ITPR2: variants seen among roughly 807,000 people sequenced by gnomAD.
ITPR2 encodes the protein inositol 1,4,5-trisphosphate-gated calcium channel ITPR2.
ITPR2 carries 207 observed loss-of-function variants against 317.1 expected under a neutral mutation model. The ratio of observed to expected loss-of-function variants is 0.65; its 90% CI spans 0.58 to 0.73. The LOEUF (loss-of-function observed/expected upper bound fraction) is 0.73, where lower values mean the gene tolerates loss of function less well. Among genes scored for constraint, ITPR2 ranks in the 30% least tolerant of loss-of-function variants. ITPR2 has a pLI of 0.00. For synonymous variants in ITPR2, 1,156 were observed against 1,149.1 expected, an observed-to-expected ratio of 1.01 and a Z score of -0.12; for missense variants, 2,613 against 3,284.0, an observed-to-expected ratio of 0.80 and a Z score of 4.99.
intron 45 of ITPR2, among the ~76,000 whole-genome samples, chr12:26,451,219 C>T (rs1052412601): frequency 6.6e-6 from 1 of 152,036 alleles, no homozygotes; most frequent in Admixed American, 6.6e-5. Context: ...GGTGATCATT[C>T]CAAAGAATAC....
intron 5 of ITPR2, among the ~76,000 whole-genome samples, chr12:26,716,779 T>C (rs1229815915): frequency 6.6e-6 from 1 of 152,208 alleles, no homozygotes; most frequent in African/African-American, 2.4e-5. Flanking sequence ...TATGACCTTG[T>C]AGAAATATGT....
At chr12:26,436,435 T>G (rs138472650) in intron 47 of ITPR2, 89 bp from the exon 48 acceptor site, 14 of 1,181,280 alleles carry the variant, frequency 1.2e-5, no homozygotes, top group Middle Eastern at 1.9e-4. Flanking sequence ...TTTTACTAAA[T>G]GCATCATTTT....
At chr12:26,804,349 T>C (rs920419315) in intron 1 of ITPR2, among the ~76,000 whole-genome samples, 3 of 152,218 alleles carry the variant, frequency 2.0e-5, no homozygotes, top group East Asian at 1.9e-4. Context: ...CTCAGATTTA[T>C]TTAGGTTACT....
chr12:26,504,057 T>C (rs1050491800), intron 37 of ITPR2, among the ~76,000 whole-genome samples: 2 of 152,234 alleles, frequency 1.3e-5, no homozygotes, highest in African/African-American at 4.8e-5. Flanking sequence ...TACTTGTGGA[T>C]AGGTTTCAAT....
chr12:26,789,834 T>C (rs1053324498), intron 2 of ITPR2, among the ~76,000 whole-genome samples: 2 of 152,246 alleles, frequency 1.3e-5, no homozygotes, highest in South Asian at 4.1e-4. Context: ...ATAACATTTA[T>C]AACTGTCAGA....
At chr12:26,464,111 C>T (rs896450496) in intron 45 of ITPR2, among the ~76,000 whole-genome samples, 1 of 152,184 alleles carries the variant, frequency 6.6e-6, no homozygotes, top group African/African-American at 2.4e-5. Context: ...GCAGCAGTCC[C>T]CAACCTTTTT....
At chr12:26,619,183 A>T (rs1416144945) in intron 26 of ITPR2, among the ~76,000 whole-genome samples, 2 of 152,228 alleles carry the variant, frequency 1.3e-5, no homozygotes, top group Non-Finnish European at 2.9e-5. Context: ...TCACATAGGG[A>T]ACTGGAGGTG....
At chr12:26,726,932 C>T (rs553086707) in intron 2 of ITPR2, among the ~76,000 whole-genome samples, 2 of 152,060 alleles carry the variant, frequency 1.3e-5, no homozygotes, top group South Asian at 4.2e-4. Context: ...ATTGCCCCAC[C>T]CCCCATATAC....
At chr12:26,557,066 C>G (rs12825802) in intron 35 of ITPR2, among the ~76,000 whole-genome samples, 65,873 of 151,558 alleles carry the variant, frequency 0.43, 15,771 homozygotes, top group South Asian at 0.62. Flanking sequence ...GTGACAGAGC[C>G]AAACCCTGTC....
At chr12:26,388,734 C>T (rs1444034034) in intron 54 of ITPR2, among the ~76,000 whole-genome samples, 12 of 152,096 alleles carry the variant, frequency 7.9e-5, no homozygotes, top group Non-Finnish European at 1.8e-4. Flanking sequence ...AATCTGTCCC[C>T]ATTGAAGGGG....
At chr12:26,595,791 C>T (rs1046714771) in intron 31 of ITPR2, among the ~76,000 whole-genome samples, 2 of 152,176 alleles carry the variant, frequency 1.3e-5, no homozygotes, top group Admixed American at 6.5e-5. Flanking sequence ...GCCTAGTACT[C>T]CATCCCCCTG....
chr12:26,654,019 G>C lies in ITPR2; in HGVS notation c.2697C>G (p.Pro899=). ...LLAILDIVQA[P]MSSYFERLSK... ...TTAATCTTTCAAAGTATGATGACAT[G>C]GGGGCCTGTACAATGTCTAAAATAG... Residue 899 remains proline (P), a synonymous_variant, in exon 21 of 57, where the codon CCC becomes CCG. Coordinates refer to ENST00000381340, the MANE Select transcript of ITPR2 (RefSeq NM_002223.4). 3 of 1,610,390 alleles carry C rather than the reference G, an allele frequency of 1.9e-6. No homozygotes were observed. Among genetic ancestry groups the C allele is most frequent in the Non-Finnish European group, 1.7e-6 (2 of 1,177,730 alleles).
intron 1 of ITPR2, among the ~76,000 whole-genome samples, chr12:26,823,067 C>T (rs775508799): frequency 1.3e-5 from 2 of 152,036 alleles, no homozygotes; most frequent in Non-Finnish European, 2.9e-5. Context: ...AATGCCACCT[C>T]CTCCTTGAAG....
At chr12:26,821,781 A>G (rs1043324604) in intron 1 of ITPR2, among the ~76,000 whole-genome samples, 2 of 152,204 alleles carry the variant, frequency 1.3e-5, no homozygotes, top group Non-Finnish European at 2.9e-5. Flanking sequence ...CCTATAAATT[A>G]TTTTCAAGAG....
At chr12:26,741,993 A>G (rs1949238094) in intron 2 of ITPR2, among the ~76,000 whole-genome samples, 1 of 152,224 alleles carries the variant, frequency 6.6e-6, no homozygotes, top group Admixed American at 6.5e-5. Context: ...ATGTGGGCCC[A>G]GGCAGGGAAG....
At chr12:26,808,920 C>T (rs1236323986) in intron 1 of ITPR2, among the ~76,000 whole-genome samples, 1 of 152,172 alleles carries the variant, frequency 6.6e-6, no homozygotes, top group Non-Finnish European at 1.5e-5. Flanking sequence ...GAGGTTAACT[C>T]CTTTAATAAT....
intron 34 of ITPR2, among the ~76,000 whole-genome samples, chr12:26,569,592 A>C (rs1016669159): frequency 6.6e-6 from 1 of 151,032 alleles, no homozygotes; most frequent in Non-Finnish European, 1.5e-5. Flanking sequence ...AAGAGAAAAA[A>C]ATTGTTACTT....
At chr12:26,813,450 C>T (rs1189722639) in intron 1 of ITPR2, among the ~76,000 whole-genome samples, 1 of 152,118 alleles carries the variant, frequency 6.6e-6, no homozygotes, top group Non-Finnish European at 1.5e-5. Context: ...TAAACATATG[C>T]TTTCATGAAT....
chr12:26,485,630 A>G (rs912641908), intron 41 of ITPR2, among the ~76,000 whole-genome samples: 1 of 152,324 alleles, frequency 6.6e-6, no homozygotes, highest in South Asian at 2.1e-4. Flanking sequence ...ATCCACCTTC[A>G]CTCTGGTTAA....
Sources: gnomAD v4.1 joint callset for allele counts (sites outside exome capture counted in the v4.1 genomes callset) on GRCh38, gnomAD v4.1.1 for gene constraint, MANE v1.5 for transcripts, NCBI Gene and HGNC (gene_info 2026-07-23, HGNC 2026-07-21) for gene names.